Variants in TECPR2 observed in about 807,000 individuals in gnomAD.
TECPR2 encodes tectonin beta-propeller repeat containing 2, also known as tectonin beta-propeller repeat-containing protein 2.
Under a neutral mutation model 138.1 loss-of-function variants are expected in TECPR2, and 65 were observed. That is an observed-to-expected ratio of 0.47 (90% CI 0.39 to 0.58). The LOEUF (loss-of-function observed/expected upper bound fraction) is 0.58, where lower values mean the gene tolerates loss of function less well. Ranked by LOEUF, TECPR2 falls within the 20% of genes least tolerant of loss-of-function variation. TECPR2 has a pLI of 0.00. For synonymous variants in TECPR2, 746 were observed against 749.8 expected, an observed-to-expected ratio of 0.99 and a Z score of 0.08; for missense variants, 1,553 against 1,824.5, an observed-to-expected ratio of 0.85 and a Z score of 2.71.
intron 12 of TECPR2, among the ~76,000 whole-genome samples, 184 bp from the exon 13 acceptor site, chr14:102,445,622 A>T (rs1388806270): frequency 6.6e-6 from 1 of 152,114 alleles, no homozygotes; most frequent in Admixed American, 6.5e-5. Context: ...CACTTGAACC[A>T]TATCTCTTGC....
chr14:102,371,805 C>T (rs954858653), intron 1 of TECPR2, among the ~76,000 whole-genome samples: 1 of 152,136 alleles, frequency 6.6e-6, no homozygotes, highest in Non-Finnish European at 1.5e-5. Flanking sequence ...GTGTTCTCTG[C>T]AGTTTTTCTG....
intron 6 of TECPR2, among the ~76,000 whole-genome samples, chr14:102,426,350 A>G (rs916262532): frequency 1.3e-5 from 2 of 152,178 alleles, no homozygotes; most frequent in Non-Finnish European, 2.9e-5. Flanking sequence ...TAGAAACTTT[A>G]AACAAAGCTG....
At chr14:102,465,813 C>T in intron 17 of TECPR2, 1 of 201,522 alleles carries the variant, frequency 5.0e-6, no homozygotes, top group African/African-American at 2.4e-5. Flanking sequence ...TCCTGACCTC[C>T]AGCACTCAGC....
rs746171757 is a variant in TECPR2 at position 102,465,218 on chromosome 14, C to T, written c.3718C>T (p.Arg1240Cys). Reference protein sequence around the residue: ...ACDSRGGVYFRVGTQPLNPSL... With the variant: ...ACDSRGGVYFCVGTQPLNPSL... ...TGATTCCAGGGGTGGAGTTTACTTCCGTGTAGGGACTCAGCCTCTCAATCC... is the reference window on the plus strand; with the variant it reads ...TGATTCCAGGGGTGGAGTTTACTTCTGTGTAGGGACTCAGCCTCTCAATCC... Residue 1240 changes from arginine (R) to cysteine (C), a missense_variant, in exon 17 of 20, where the codon CGT (arginine) becomes TGT (cysteine). Arg to Cys is a radical substitution (Grantham distance 180). Transcript: ENST00000359520. 1.2e-6 allele frequency: 2 copies of T among 1,614,184 alleles called. No individual in the cohort carries two copies. Among genetic ancestry groups the T allele is most frequent in the Non-Finnish European group, 8.5e-7 (1 of 1,180,034 alleles).
chr14:102,372,959 A>G (rs1303273082), intron 1 of TECPR2, among the ~76,000 whole-genome samples: 1 of 152,210 alleles, frequency 6.6e-6, no homozygotes, highest in Non-Finnish European at 1.5e-5. Flanking sequence ...TAACTGTTAT[A>G]AAAAGAAACC....
At chr14:102,461,245 A>G (rs905527743) in intron 16 of TECPR2, among the ~76,000 whole-genome samples, 4 of 152,208 alleles carry the variant, frequency 2.6e-5, no homozygotes, top group African/African-American at 7.2e-5. Flanking sequence ...ACACATAAAT[A>G]TGCATTATGT....
In TECPR2 at chr14:102,456,612, C is replaced by T. The variant is rs569249272; in HGVS notation, c.3640+3985C>T. 6.8e-4 allele frequency among the ~76,000 whole-genome samples: 98 copies of T among 144,428 alleles called. 1 individual carries two copies. In the South Asian group the frequency reaches 0.015, roughly 22 times the overall value. The allele number at this position is 144,428 out of a possible 152,430, so 94.8% of individuals were successfully genotyped here. ...GCTCTTTTTTTTTTTTTTTTTGAGA[C>T]AGAGTCTCGCTCTGTTGCCCAGGCT... On this transcript the variant is annotated intron_variant, in intron 16 of 19. Coordinates refer to ENST00000359520, the MANE Select transcript of TECPR2 (RefSeq NM_014844.5).
chr14:102,489,703 C>CAA (rs35017559), intron 17 of TECPR2, among the ~76,000 whole-genome samples: 40,506 of 133,792 alleles, frequency 0.3, 6,600 homozygotes, highest in East Asian at 0.5. Flanking sequence ...AAAACTGTGT[C>CAA]AAAAAAAAAA....
intron 2 of TECPR2, among the ~76,000 whole-genome samples, chr14:102,381,435 A>G (rs978435858): frequency 6.6e-6 from 1 of 152,200 alleles, no homozygotes; most frequent in African/African-American, 2.4e-5. Context: ...TTAGCCGGGA[A>G]TAGTGGCTCA....
intron 2 of TECPR2, among the ~76,000 whole-genome samples, chr14:102,389,678 A>T (rs1022686666): frequency 6.6e-6 from 1 of 152,180 alleles, no homozygotes; most frequent in African/African-American, 2.4e-5. Context: ...GGTTATTTTG[A>T]GCACTTTAAA....
At chr14:102,461,579 A>C (rs1490759344) in intron 16 of TECPR2, among the ~76,000 whole-genome samples, 1 of 152,232 alleles carries the variant, frequency 6.6e-6, no homozygotes, top group Non-Finnish European at 1.5e-5. Context: ...GTGTGTTTGC[A>C]TCAGCCAGGC....
rs1202293053 is a variant in TECPR2, at chr14:102,434,878, G to A, written c.2061G>A (p.Met687Ile). ...AAGAGCAGGACATCCTAACCAGCAT[G>A]GAGGCCTCTGGCCACCTCAGCACAA... ...PSQEQDILTS[M>I]EASGHLSTNL... is the part of the protein sequence containing the mutation. The change falls in exon 9 of 20, where the codon ATG becomes ATA. Residue 687 changes from methionine to isoleucine, a missense_variant. By Grantham distance (10) the Met-to-Ile change is conservative. Transcript: ENST00000359520. The A allele has an allele frequency of 6.2e-7, 1 of 1,613,660 alleles. No homozygotes were observed. Among genetic ancestry groups the A allele is most frequent in the Non-Finnish European group, 8.5e-7 (1 of 1,180,040 alleles).
chr14:102,456,372 A>C (rs1478350890), intron 16 of TECPR2, among the ~76,000 whole-genome samples: 2 of 152,140 alleles, frequency 1.3e-5, no homozygotes, highest in Non-Finnish European at 2.9e-5. Context: ...GAAATGTCAG[A>C]TTAAGACTCC....
At chr14:102,389,752 G>A (rs990935634) in intron 2 of TECPR2, among the ~76,000 whole-genome samples, 19 of 152,076 alleles carry the variant, frequency 1.2e-4, no homozygotes, top group African/African-American at 3.6e-4. Flanking sequence ...TTCCTTTACC[G>A]GGAATTTGCC....
At chr14:102,364,767 GA>G (rs1006228531) in intron 1 of TECPR2, among the ~76,000 whole-genome samples, 26 of 152,104 alleles carry the variant, frequency 1.7e-4, no homozygotes, top group African/African-American at 5.3e-4. Context: ...TGTAGGAGTT[GA>G]AAAAAATGGC....
chr14:102,376,800 A>G lies in TECPR2; in HGVS notation c.79A>G (p.Ile27Val). 6.2e-7 allele frequency: 1 copy of G among 1,614,176 alleles called. No individual in the cohort carries two copies. The highest frequency in any genetic ancestry group is 8.5e-7 in the Non-Finnish European group (1 of 1,180,034). Residue 27 changes from isoleucine (I) to valine (V), a missense_variant, in exon 2 of 20, where the codon ATC (isoleucine) becomes GTC (valine). Ile to Val is a conservative substitution (Grantham distance 29). Coordinates refer to ENST00000359520, the MANE Select transcript of TECPR2 (RefSeq NM_014844.5). ...YYLLNAIPTK[I>V]QKGFRSIVVY... Reference sequence around the variant, plus strand: ...TCTCCTCAATGCCATTCCGACAAAGATCCAGAAGGGTTTCCGCTCTATCGT... The same window carrying G: ...TCTCCTCAATGCCATTCCGACAAAGGTCCAGAAGGGTTTCCGCTCTATCGT...
At chr14:102,492,545 G>C (rs775956965) in intron 17 of TECPR2, among the ~76,000 whole-genome samples, 1 of 152,248 alleles carries the variant, frequency 6.6e-6, no homozygotes, top group Non-Finnish European at 1.5e-5. Context: ...CGGGTGAGGG[G>C]CTGGGGACGC....
chr14:102,432,125 A>T lies in TECPR2; in HGVS notation c.1414A>T (p.Thr472Ser). Residue 472 changes from threonine (T) to serine (S), a missense_variant, in exon 8 of 20, where the codon ACA (threonine) becomes TCA (serine). By Grantham distance (58) the Thr-to-Ser change is moderately conservative. Transcript: ENST00000359520. ...KVKRKKKKKK[T>S]EGGSRSTCHS... ...GAAAAGGAAGAAGAAGAAGAAGAAG[A>T]CAGGTACCCTCTGTAGCTGGCACAC... 1 of 1,567,196 alleles carries T rather than the reference A, an allele frequency of 6.4e-7. No homozygotes were observed. Among genetic ancestry groups the T allele is most frequent in the Non-Finnish European group, 8.7e-7 (1 of 1,153,280 alleles).
chr14:102,385,157 C>T (rs1887962826), intron 2 of TECPR2, among the ~76,000 whole-genome samples: 1 of 151,916 alleles, frequency 6.6e-6, no homozygotes, highest in Non-Finnish European at 1.5e-5. Context: ...GCACCCGGCT[C>T]TTTTTCTTTT....
Sources: allele counts gnomAD v4.1 joint callset (sites outside exome capture counted in the v4.1 genomes callset), GRCh38; gene constraint gnomAD v4.1.1; transcripts MANE v1.5; gene names NCBI Gene and HGNC (gene_info 2026-07-23, HGNC 2026-07-21).